Variants in AFG1L observed in about 807,000 individuals in gnomAD.
The protein encoded by AFG1L is AFG1 like ATPase, also known as AFG1-like ATPase.
Under a neutral mutation model 62.2 loss-of-function variants are expected in AFG1L, and 53 were observed. The ratio of observed to expected loss-of-function variants is 0.85; its 90% CI spans 0.68 to 1.07. AFG1L has a LOEUF of 1.07. Among genes scored for constraint, AFG1L ranks in the 50% least tolerant of loss-of-function variants. The pLI is 0.00. For missense variants in AFG1L, 555 were observed against 590.5 expected (o/e 0.94, Z 0.62); for synonymous variants, 228 against 210.3 (o/e 1.08, Z -0.73).
chr6:108,510,454 C>A, intron 11 of AFG1L, 102 bp downstream of exon 11: 1 of 834,078 alleles, frequency 1.2e-6, no homozygotes, highest in Non-Finnish European at 1.9e-6. Context: ...TCACTTACTG[C>A]ACCTCTTTGT....
At chr6:108,408,220 A>G (rs980389203) in intron 7 of AFG1L, among the ~76,000 whole-genome samples, 3 of 151,424 alleles carry the variant, frequency 2.0e-5, no homozygotes, top group African/African-American at 7.3e-5. Flanking sequence ...GATAGGGTGA[A>G]TGTAGATTAG....
In AFG1L at chr6:108,522,843, AAAC is replaced by A. The variant is rs938181324; in HGVS notation, c.*421_*423del. On this transcript the variant is annotated 3_prime_UTR_variant, in exon 13 of 13. Transcript: ENST00000368977. ...GAAGAATGCCCTATGTTTCAATTCA[AAAC>A]AAAGACAGTTTTCCAATCTGATATA... 2.0e-4 allele frequency: 30 copies of A among 153,736 alleles called. No individual in the cohort carries two copies. Among genetic ancestry groups the A allele is most frequent in the Non-Finnish European group, 3.2e-4 (22 of 69,104 alleles). The allele number at this position is 153,736 out of a possible 1,614,324, so 9.5% of individuals were successfully genotyped here.
At chr6:108,376,232 A>C (rs114505459) in intron 6 of AFG1L, among the ~76,000 whole-genome samples, 1 of 152,068 alleles carries the variant, frequency 6.6e-6, no homozygotes, top group Non-Finnish European at 1.5e-5. Context: ...CTAGCAGTCT[A>C]TAGATCTTGT....
chr6:108,440,824 A>AAAAAAAAAAAAG (rs1408951141), intron 7 of AFG1L, among the ~76,000 whole-genome samples: 2 of 152,108 alleles, frequency 1.3e-5, no homozygotes, highest in East Asian at 1.9e-4. Flanking sequence ...CCATCTCAAA[A>AAAAAAAAAAAAG]AAAGAAAAAA....
intron 6 of AFG1L, among the ~76,000 whole-genome samples, chr6:108,394,865 C>T (rs1253668355): frequency 6.6e-6 from 1 of 152,200 alleles, no homozygotes; most frequent in East Asian, 1.9e-4. Context: ...CCACTTCCCA[C>T]AATCATGGCT....
intron 8 of AFG1L, among the ~76,000 whole-genome samples, chr6:108,461,673 G>T (rs955781173): frequency 6.6e-6 from 1 of 152,128 alleles, no homozygotes; most frequent in Non-Finnish European, 1.5e-5. Flanking sequence ...TGCCCAGGCT[G>T]GTCTCAAATT....
At chr6:108,488,934 A>G (rs762430474) in intron 10 of AFG1L, among the ~76,000 whole-genome samples, 12 of 152,182 alleles carry the variant, frequency 7.9e-5, no homozygotes, top group Non-Finnish European at 1.5e-4. Flanking sequence ...TTCTACTTCC[A>G]TTTATGTCAG....
At chr6:108,488,758 C>T (rs1773665969) in intron 10 of AFG1L, among the ~76,000 whole-genome samples, 1 of 151,752 alleles carries the variant, frequency 6.6e-6, no homozygotes, top group Non-Finnish European at 1.5e-5. Context: ...ATCTCAGCTA[C>T]TCGGGAGGCT....
intron 5 of AFG1L, among the ~76,000 whole-genome samples, chr6:108,361,160 T>C (rs1017096883): frequency 4.6e-5 from 7 of 152,262 alleles, no homozygotes; most frequent in Non-Finnish European, 1.0e-4. Context: ...TTGTTTATAC[T>C]GGCATATGCC....
At chr6:108,507,672 AT>A (rs1220196779) in intron 10 of AFG1L, among the ~76,000 whole-genome samples, 1 of 152,168 alleles carries the variant, frequency 6.6e-6, no homozygotes, top group East Asian at 1.9e-4. Context: ...GAGGTTTTAC[AT>A]TTTTTTATGT....
In AFG1L at chr6:108,336,686, T is replaced by A. The variant is rs187540395; in HGVS notation, c.364-10302T>A. On this transcript the variant is annotated intron_variant, in intron 2 of 12. Coordinates refer to ENST00000368977, the MANE Select transcript of AFG1L (RefSeq NM_145315.5). ...TTTAGGCTTATTTCAAAAGTAAAAG[T>A]AATACAGTAGTCACCTTACCAAATT... is the stretch of plus-strand genomic sequence containing the variant. 5.7e-3 allele frequency among the ~76,000 whole-genome samples: 863 copies of A among 152,342 alleles called. 2 individuals carry two copies. Among genetic ancestry groups the A allele is most frequent in the Non-Finnish European group, 9.4e-3 (638 of 68,018 alleles).
intron 7 of AFG1L, among the ~76,000 whole-genome samples, chr6:108,403,796 T>G (rs1376998313): frequency 6.6e-6 from 1 of 151,972 alleles, no homozygotes; most frequent in African/African-American, 2.4e-5. Flanking sequence ...TACTTTTTTT[T>G]TTTTCCTCCA....
At chr6:108,347,648 A>T (rs907068294) in intron 3 of AFG1L, among the ~76,000 whole-genome samples, 1 of 152,046 alleles carries the variant, frequency 6.6e-6, no homozygotes, top group Non-Finnish European at 1.5e-5. Context: ...GTCTTCCCTG[A>T]CCTCATTCTT....
At chr6:108,425,661 T>G (rs1217457337) in intron 7 of AFG1L, among the ~76,000 whole-genome samples, 1 of 152,192 alleles carries the variant, frequency 6.6e-6, no homozygotes, top group Non-Finnish European at 1.5e-5. Context: ...TGAAGACATA[T>G]ATACATACAC....
intron 8 of AFG1L, among the ~76,000 whole-genome samples, chr6:108,465,775 A>C (rs1488955198): frequency 6.6e-6 from 1 of 151,726 alleles, no homozygotes; most frequent in East Asian, 1.9e-4. Context: ...TATGTGTATC[A>C]TGACAATTGA....
intron 7 of AFG1L, among the ~76,000 whole-genome samples, chr6:108,436,324 T>C (rs966721581): frequency 1.3e-5 from 2 of 152,170 alleles, no homozygotes; most frequent in African/African-American, 2.4e-5. Context: ...TTTGTATTTT[T>C]AGTAGAGACG....
At chr6:108,340,194 C>T (rs1778628072) in intron 2 of AFG1L, among the ~76,000 whole-genome samples, 1 of 151,994 alleles carries the variant, frequency 6.6e-6, no homozygotes, top group Admixed American at 6.6e-5. Flanking sequence ...AATGTAATGA[C>T]CTCCAGTTTC....
At chr6:108,344,992 T>A (rs892338307) in intron 2 of AFG1L, 2 of 334,344 alleles carry the variant, frequency 6.0e-6, no homozygotes, top group African/African-American at 4.5e-5. Flanking sequence ...CAAGCTTTTT[T>A]CCCTCTCAGG....
Position 108,351,307 on chromosome 6 carries a change from C to A in AFG1L, c.415+4268C>A, listed in dbSNP as rs543582746. Among the ~76,000 whole-genome samples the A allele has an allele frequency of 2.6e-5, 4 of 152,268 alleles. No individual in the cohort carries two copies. The East Asian group carries it at 7.7e-4, about 29-fold the overall frequency. Reference sequence around the variant, plus strand: ...TCACTAAGTGATAGAAGTTTTTCAGCTTCTTTATAATCTTTTGGGACCACC... The same window carrying A: ...TCACTAAGTGATAGAAGTTTTTCAGATTCTTTATAATCTTTTGGGACCACC... On this transcript the variant is annotated intron_variant, in intron 3 of 12. Coordinates refer to ENST00000368977, the MANE Select transcript of AFG1L (RefSeq NM_145315.5).
Sources: allele counts gnomAD v4.1 joint callset (sites outside exome capture counted in the v4.1 genomes callset), GRCh38; gene constraint gnomAD v4.1.1; transcripts MANE v1.5; gene names NCBI Gene and HGNC (gene_info 2026-07-23, HGNC 2026-07-21).